Variants in CELF2 observed in about 807,000 individuals in gnomAD.
CELF2 encodes CUG triplet repeat RNA-binding protein 2.
CELF2 carries 8 observed loss-of-function variants against 62.6 expected under a neutral mutation model. The ratio of observed to expected loss-of-function variants is 0.13; its 90% confidence interval spans 0.07 to 0.23. CELF2 has a LOEUF of 0.23. Among genes scored for constraint, CELF2 ranks in the 10% least tolerant of loss-of-function variants. CELF2 has a pLI of 1.00. For missense variants in CELF2, 333 were observed against 671.0 expected (o/e 0.50, Z 5.56); for synonymous variants, 258 against 250.0 (o/e 1.03, Z -0.30).
chr10:11,276,151 T>A (rs913217345), intron 8 of CELF2, among the ~76,000 whole-genome samples: 1 of 152,238 alleles, frequency 6.6e-6, no homozygotes, highest in Non-Finnish European at 1.5e-5. Context: ...TTATTTTTTT[T>A]TTCTTGTTTC....
the CELF2 span, among the ~76,000 whole-genome samples, chr10:10,526,531 G>A: frequency 6.6e-6 from 1 of 152,006 alleles, no homozygotes; most frequent in Non-Finnish European, 1.5e-5. Context: ...TACGCATCAG[G>A]TACTGATGGC....
chr10:10,489,703 T>C, the CELF2 span, among the ~76,000 whole-genome samples: 1 of 152,108 alleles, frequency 6.6e-6, no homozygotes, highest in East Asian at 1.9e-4. Flanking sequence ...AAGTAGTCCA[T>C]TAATTATTTG....
chr10:10,948,670 A>G (rs903879227), intron 2 of CELF2, among the ~76,000 whole-genome samples: 2 of 152,098 alleles, frequency 1.3e-5, no homozygotes, highest in African/African-American at 2.4e-5. Context: ...ATGAAGCTCC[A>G]TGGTTTCCTT....
At chr10:11,326,834 T>G (rs1189252032) in intron 12 of CELF2, among the ~76,000 whole-genome samples, 5 of 152,066 alleles carry the variant, frequency 3.3e-5, no homozygotes, top group Non-Finnish European at 7.4e-5. Flanking sequence ...TGGTGGGAAA[T>G]AGTAACAGCA....
At chr10:10,615,059 A>C in the CELF2 span, among the ~76,000 whole-genome samples, 7,187 of 152,044 alleles carry the variant, frequency 0.047, 541 homozygotes, top group African/African-American at 0.15. Flanking sequence ...AGTTCCTGGG[A>C]GCCGTCTTCC....
At chr10:10,755,519 G>A in the CELF2 span, among the ~76,000 whole-genome samples, 2 of 152,300 alleles carry the variant, frequency 1.3e-5, no homozygotes, top group East Asian at 1.9e-4. Flanking sequence ...GCTCTCCTGC[G>A]TCTGCTGCTT....
chr10:10,598,880 G>T, the CELF2 span, among the ~76,000 whole-genome samples: 1 of 148,930 alleles, frequency 6.7e-6, no homozygotes, highest in Non-Finnish European at 1.5e-5. Context: ...AGCCTCCCCG[G>T]TAGCTAGGAT....
chr10:11,065,175 G>A (rs2067762570), intron 1 of CELF2, among the ~76,000 whole-genome samples: 1 of 152,144 alleles, frequency 6.6e-6, no homozygotes, highest in African/African-American at 2.4e-5. Flanking sequence ...TGGAGAGGTG[G>A]TCAGTGTATC....
intron 2 of CELF2, among the ~76,000 whole-genome samples, chr10:11,170,365 A>C (rs2068468129): frequency 6.6e-6 from 1 of 152,182 alleles, no homozygotes; most frequent in Non-Finnish European, 1.5e-5. Flanking sequence ...TGAATTGAAG[A>C]CTTAAAAGGA....
At chr10:11,201,493 T>C (rs572711365) in intron 2 of CELF2, among the ~76,000 whole-genome samples, 63 of 152,332 alleles carry the variant, frequency 4.1e-4, no homozygotes, top group Middle Eastern at 6.8e-3. Flanking sequence ...AGGACTCATA[T>C]CTGCTCTGTT....
chr10:11,186,991 C>A (rs79202431), intron 2 of CELF2, among the ~76,000 whole-genome samples: 1 of 152,128 alleles, frequency 6.6e-6, no homozygotes, highest in Non-Finnish European at 1.5e-5. Context: ...GGTAAACAGT[C>A]CATGTGCATC....
chr10:10,675,168 G>T, the CELF2 span, among the ~76,000 whole-genome samples: 1 of 152,112 alleles, frequency 6.6e-6, no homozygotes, highest in African/African-American at 2.4e-5. Flanking sequence ...TTGCAAGACA[G>T]ATCTACTAGC....
At chr10:10,678,762 C>G in the CELF2 span, among the ~76,000 whole-genome samples, 1 of 152,170 alleles carries the variant, frequency 6.6e-6, no homozygotes, top group Non-Finnish European at 1.5e-5. Flanking sequence ...GGGGTGAGAT[C>G]CCAGTTCCTG....
At chr10:10,777,688 T>C in the CELF2 span, among the ~76,000 whole-genome samples, 1 of 152,156 alleles carries the variant, frequency 6.6e-6, no homozygotes, top group African/African-American at 2.4e-5. Context: ...ACAATGCAAA[T>C]GATAATTTGC....
intron 1 of CELF2, among the ~76,000 whole-genome samples, chr10:10,831,287 T>C (rs1430710885): frequency 6.6e-6 from 1 of 152,196 alleles, no homozygotes; most frequent in Admixed American, 6.5e-5. Flanking sequence ...CCCTGGTGTT[T>C]ACTCCCTCAG....
chr10:10,656,934 AG>A, the CELF2 span, among the ~76,000 whole-genome samples: 2 of 149,226 alleles, frequency 1.3e-5, no homozygotes, highest in Non-Finnish European at 3.0e-5. Context: ...AAAAAAAAAA[AG>A]AAAACGTGTC....
chr10:11,143,891 T>G (rs1273534813), intron 1 of CELF2, among the ~76,000 whole-genome samples: 1 of 152,218 alleles, frequency 6.6e-6, no homozygotes, highest in African/African-American at 2.4e-5. Flanking sequence ...TACTTTATTC[T>G]TCAAAAAGGA....
At chr10:11,055,351 C>T (rs2064987325) in intron 1 of CELF2, among the ~76,000 whole-genome samples, 1 of 152,176 alleles carries the variant, frequency 6.6e-6, no homozygotes, top group African/African-American at 2.4e-5. Flanking sequence ...TCATAATCTG[C>T]ATTTCATGAA....
rs2132941639 is a variant in CELF2 at position 11,331,807 on chromosome 10, T to C, written c.*2754T>C. On this transcript the variant is annotated 3_prime_UTR_variant, in exon 13 of 13. Transcript: ENST00000633077. ...CTCACCATGTATTTTCTTCATAATC[T>C]ATGGAAACCTCTAAGGTGAGAAAGT... 1.3e-5 allele frequency: 2 copies of C among 152,738 alleles called. No individual in the cohort carries two copies. Among genetic ancestry groups the C allele is most frequent in the Non-Finnish European group, 2.9e-5 (2 of 68,026 alleles). 9.5% of individuals were successfully genotyped at this position (152,738 alleles called of 1,614,324 possible). A position where few individuals can be genotyped will look rare whatever the true frequency, so the allele number is the denominator to read the frequency against.
Sources: gnomAD v4.1 joint callset for allele counts (sites outside exome capture counted in the v4.1 genomes callset) on GRCh38, gnomAD v4.1.1 for gene constraint, MANE v1.5 for transcripts, NCBI Gene and HGNC (gene_info 2026-07-23, HGNC 2026-07-21) for gene names.